Variants in PHACTR1 observed in about 807,000 individuals in gnomAD.
The protein encoded by PHACTR1 is RPEL repeat containing 1.
PHACTR1 carries 16 observed loss-of-function variants against 69.2 expected under a neutral mutation model. The ratio of observed to expected loss-of-function variants is 0.23; its 90% confidence interval spans 0.16 to 0.35. The LOEUF (loss-of-function observed/expected upper bound fraction) is 0.35. Among genes scored for constraint, PHACTR1 ranks in the 10% least tolerant of loss-of-function variants. PHACTR1 has a pLI of 1.00. For missense variants in PHACTR1, 510 were observed against 734.7 expected (o/e 0.69, Z 3.54); for synonymous variants, 312 against 284.5 (o/e 1.10, Z -0.97).
chr6:13,105,337 C>T (rs998241389), intron 5 of PHACTR1, among the ~76,000 whole-genome samples: 1 of 152,088 alleles, frequency 6.6e-6, no homozygotes, highest in Non-Finnish European at 1.5e-5. Flanking sequence ...CATGATTATG[C>T]CACTGCATTC....
chr6:13,138,558 G>C (rs1821912639), intron 5 of PHACTR1, among the ~76,000 whole-genome samples: 1 of 152,150 alleles, frequency 6.6e-6, no homozygotes, highest in African/African-American at 2.4e-5. Flanking sequence ...CCTTAGTGTT[G>C]AAAAGTGGGT....
In PHACTR1 at chr6:12,947,158, G is replaced by T. The variant is rs76775843; in HGVS notation, c.251-106207G>T. 5.0e-3 allele frequency among the ~76,000 whole-genome samples: 767 copies of T among 151,920 alleles called. 6 individuals carry two copies. Among genetic ancestry groups the T allele is most frequent in the African/African-American group, 0.018 (746 of 41,410 alleles). On this transcript the variant is annotated intron_variant, in intron 4 of 14. Coordinates refer to ENST00000332995, the MANE Select transcript of PHACTR1 (RefSeq NM_030948.6). ...TCCCCTAGATCATTAATATAATTTT[G>T]TAACATTCCAACTTCTAGATTAAAA...
chr6:12,844,962 AACAG>A (rs1779057792), intron 4 of PHACTR1, among the ~76,000 whole-genome samples: 2 of 152,330 alleles, frequency 1.3e-5, no homozygotes, highest in Admixed American at 1.3e-4. Context: ...CTTGAGCAGC[AACAG>A]ACAAATTAAC....
chr6:12,938,783 T>C (rs563126324), intron 4 of PHACTR1, among the ~76,000 whole-genome samples: 7 of 152,218 alleles, frequency 4.6e-5, no homozygotes, highest in Non-Finnish European at 8.8e-5. Context: ...TTTTCTACAA[T>C]TTTATGTAAA....
At chr6:13,022,477 T>C (rs1469016494) in intron 4 of PHACTR1, among the ~76,000 whole-genome samples, 4 of 152,206 alleles carry the variant, frequency 2.6e-5, no homozygotes, top group Non-Finnish European at 4.4e-5. Flanking sequence ...GAATAATTCA[T>C]GACACAAGAT....
chr6:13,251,791 T>TTA (rs1346966936), intron 10 of PHACTR1, among the ~76,000 whole-genome samples: 1 of 152,002 alleles, frequency 6.6e-6, no homozygotes, highest in Non-Finnish European at 1.5e-5. Context: ...TCATTTAAAT[T>TTA]TATATATATA....
chr6:13,138,956 G>A (rs1043370415), intron 5 of PHACTR1, among the ~76,000 whole-genome samples: 1 of 152,156 alleles, frequency 6.6e-6, no homozygotes, highest in African/African-American at 2.4e-5. Context: ...TCACATATAA[G>A]CTTACGTTGA....
chr6:12,799,280 C>G (rs1003096307), intron 4 of PHACTR1, among the ~76,000 whole-genome samples: 6 of 152,102 alleles, frequency 3.9e-5, no homozygotes, highest in Non-Finnish European at 7.4e-5. Flanking sequence ...CGAGGTCATA[C>G]ATCAAGCTGG....
At chr6:13,281,064 G>A in intron 12 of PHACTR1, 1 of 1,289,608 alleles carries the variant, frequency 7.8e-7, no homozygotes, top group Non-Finnish European at 1.0e-6. Flanking sequence ...TCTTGATTTG[G>A]AAAGACGGTG....
At chr6:13,202,475 C>T (rs1349072677) in intron 7 of PHACTR1, among the ~76,000 whole-genome samples, 1 of 146,716 alleles carries the variant, frequency 6.8e-6, no homozygotes, top group African/African-American at 2.5e-5. Flanking sequence ...TAGGTTTGCA[C>T]TGAAGCTTTT....
intron 4 of PHACTR1, among the ~76,000 whole-genome samples, chr6:12,782,188 C>T (rs915758808): frequency 1.3e-5 from 2 of 152,168 alleles, no homozygotes; most frequent in Non-Finnish European, 2.9e-5. Flanking sequence ...ATCAAGGCAT[C>T]TCATAGGTTT....
chr6:13,272,969 T>C (rs1049555863), intron 11 of PHACTR1, 54 bp downstream of exon 11: 2 of 1,605,664 alleles, frequency 1.2e-6, no homozygotes, highest in Non-Finnish European at 1.7e-6. Context: ...CTTTTGTTAT[T>C]ATTTAATGGT....
chr6:13,192,997 G>A (rs532014073), intron 7 of PHACTR1, among the ~76,000 whole-genome samples: 8 of 152,218 alleles, frequency 5.3e-5, no homozygotes, highest in African/African-American at 1.4e-4. Context: ...AAGGAAACAT[G>A]ATAACCTAGA....
Position 13,227,872 on chromosome 6 carries a change from G to A in PHACTR1, c.1043G>A (p.Gly348Asp), listed in dbSNP as rs1267979162. 1.9e-6 allele frequency: 3 copies of A among 1,613,882 alleles called. No homozygotes were observed. The highest frequency in any genetic ancestry group is 2.2e-5 in the South Asian group (2 of 91,088). ...TACCACAGCTCTGGGTTGCACTCGG[G>A]TGATGGGGTCACCAAAGCAGGACCT... ...TSYHSSGLHSGDGVTKAGPMG... is the reference protein window; with the variant it reads ...TSYHSSGLHSDDGVTKAGPMG... The change falls in exon 9 of 15, where the codon GGT (glycine) becomes GAT (aspartate). Residue 348 changes from glycine to aspartate, a missense_variant. Physicochemically the swap from Gly to Asp is moderately conservative, Grantham distance 94 (BLOSUM62 -1). Coordinates refer to ENST00000332995, the MANE Select transcript of PHACTR1 (RefSeq NM_030948.6).
intron 8 of PHACTR1, among the ~76,000 whole-genome samples, chr6:13,206,853 A>G (rs1766002036): frequency 6.6e-6 from 1 of 152,198 alleles, no homozygotes; most frequent in African/African-American, 2.4e-5. Context: ...AGGAAACCTG[A>G]GTACACGGAG....
chr6:13,069,853 A>G (rs4624870), intron 5 of PHACTR1, among the ~76,000 whole-genome samples: 71,996 of 151,988 alleles, frequency 0.47, 19,194 homozygotes, highest in East Asian at 0.83. Context: ...ACTTCATTTG[A>G]CAAGTGAGGA....
At chr6:12,969,835 C>T (rs368081947) in intron 4 of PHACTR1, among the ~76,000 whole-genome samples, 5 of 152,114 alleles carry the variant, frequency 3.3e-5, no homozygotes, top group South Asian at 4.2e-4. Flanking sequence ...TGGTGGCACG[C>T]GCCTATAATC....
chr6:12,823,000 T>G (rs1294758425), intron 4 of PHACTR1, among the ~76,000 whole-genome samples: 1 of 152,166 alleles, frequency 6.6e-6, no homozygotes, highest in Non-Finnish European at 1.5e-5. Flanking sequence ...CCATGGAGCC[T>G]CATTAATAGA....
At chr6:13,085,877 A>G (rs1812190332) in intron 5 of PHACTR1, among the ~76,000 whole-genome samples, 1 of 152,012 alleles carries the variant, frequency 6.6e-6, no homozygotes, top group African/African-American at 2.4e-5. Context: ...GAGATATAGC[A>G]TAAAGCAGTA....
Sources: allele counts gnomAD v4.1 joint callset (sites outside exome capture counted in the v4.1 genomes callset), GRCh38; gene constraint gnomAD v4.1.1; transcripts MANE v1.5; gene names NCBI Gene and HGNC (gene_info 2026-07-23, HGNC 2026-07-21).